The following FBXW11 variants were observed in gnomAD, a reference collection of about 807,000 sequenced individuals.
FBXW11 encodes F-box/WD repeat-containing protein 11.
In FBXW11, 19 loss-of-function variants were observed where a neutral mutation model predicts 77.6. That is an observed-to-expected ratio of 0.24 (90% CI 0.17 to 0.36). The LOEUF (loss-of-function observed/expected upper bound fraction) is 0.36. FBXW11 is among the 10% of genes least tolerant of loss of function. The probability of loss-of-function intolerance (pLI) is 1.00; values close to 1 mark genes in which losing one functional copy is unlikely to be tolerated. For synonymous variants in FBXW11, 235 were observed against 249.4 expected (o/e 0.94, Z 0.54); for missense variants, 334 against 704.2 (o/e 0.47, Z 5.95).
At chr5:171,951,406 C>T (rs1447812417) in intron 2 of FBXW11, among the ~76,000 whole-genome samples, 1 of 152,008 alleles carries the variant, frequency 6.6e-6, no homozygotes, top group Admixed American at 6.6e-5. Flanking sequence ...CGTGGTGGCA[C>T]ATGCCTGTGG....
chr5:171,973,274 C>A (rs1450924394), intron 1 of FBXW11, among the ~76,000 whole-genome samples: 1 of 152,008 alleles, frequency 6.6e-6, no homozygotes, highest in Admixed American at 6.6e-5. Flanking sequence ...TTATACAGAA[C>A]AAATAAGCAA....
intron 1 of FBXW11, among the ~76,000 whole-genome samples, chr5:171,990,877 T>A (rs2113553713): frequency 6.6e-6 from 1 of 152,104 alleles, no homozygotes; most frequent in South Asian, 2.1e-4. Context: ...TGGGCTGGAG[T>A]ACAATGACAC....
chr5:171,915,026 G>A (rs776506604), intron 2 of FBXW11, among the ~76,000 whole-genome samples: 1 of 152,204 alleles, frequency 6.6e-6, no homozygotes, highest in Non-Finnish European at 1.5e-5. Flanking sequence ...TGCACAAAGA[G>A]GTACTGTGTA....
chr5:171,895,004 C>A (rs1186562644), intron 6 of FBXW11, among the ~76,000 whole-genome samples: 1 of 152,204 alleles, frequency 6.6e-6, no homozygotes, highest in African/African-American at 2.4e-5. Flanking sequence ...TTGTCTCAGT[C>A]TAGGCTGATA....
rs1471860054 is a variant in FBXW11, at chr5:171,967,879, T to C, written c.46-10181A>G. ...GCATATATATATATATATATATATA[T>C]ATATACACACACACACACACACACA... On this transcript the variant is annotated intron_variant, in intron 1 of 13. Transcript: ENST00000517395. Among the ~76,000 whole-genome samples, 226 of 62,654 alleles carry C rather than the reference T, an allele frequency of 3.6e-3. 3 individuals carry two copies. The highest frequency in any genetic ancestry group is 0.019 in the South Asian group (33 of 1,782). 41.1% of individuals were successfully genotyped at this position (62,654 alleles called of 152,430 possible). A position where few individuals can be genotyped will look rare whatever the true frequency, so the allele number is the denominator to read the frequency against.
At chr5:171,964,963 A>G (rs2113371720) in intron 1 of FBXW11, among the ~76,000 whole-genome samples, 1 of 152,334 alleles carries the variant, frequency 6.6e-6, no homozygotes, top group Non-Finnish European at 1.5e-5. Flanking sequence ...TTGTCATAAT[A>G]TTATATCACA....
At chr5:171,970,943 A>G (rs1296941345) in intron 1 of FBXW11, among the ~76,000 whole-genome samples, 3 of 151,934 alleles carry the variant, frequency 2.0e-5, no homozygotes, top group African/African-American at 7.3e-5. Flanking sequence ...AGAGTAAGGG[A>G]CTCCTGCTGC....
chr5:171,996,605 G>A (rs1343947498), intron 1 of FBXW11, among the ~76,000 whole-genome samples: 1 of 152,174 alleles, frequency 6.6e-6, no homozygotes, highest in East Asian at 1.9e-4. Context: ...CAAGGCTGCA[G>A]TAAGCCATGT....
At chr5:171,953,981 T>A (rs1275096722) in intron 2 of FBXW11, among the ~76,000 whole-genome samples, 1 of 152,206 alleles carries the variant, frequency 6.6e-6, no homozygotes, top group African/African-American at 2.4e-5. Context: ...CAGCACTATA[T>A]GCACTAGAGC....
chr5:172,005,415 A>C (rs1029192367), intron 1 of FBXW11, among the ~76,000 whole-genome samples: 1 of 152,152 alleles, frequency 6.6e-6, no homozygotes, highest in Non-Finnish European at 1.5e-5. Flanking sequence ...CCTCATGTTC[A>C]CGTTGGCAGG....
At chr5:171,878,473 G>A (rs1219869877) in intron 7 of FBXW11, among the ~76,000 whole-genome samples, 1 of 152,026 alleles carries the variant, frequency 6.6e-6, no homozygotes, top group Non-Finnish European at 1.5e-5. Context: ...CAACATTTTG[G>A]GAGGCCGAGA....
chr5:171,946,763 T>C (rs1763030434), intron 2 of FBXW11, among the ~76,000 whole-genome samples: 1 of 151,752 alleles, frequency 6.6e-6, no homozygotes, highest in African/African-American at 2.4e-5. Context: ...TCCCCCCTTT[T>C]CTCCACAGAA....
At chr5:171,912,324 C>A (rs1354870963) in intron 3 of FBXW11, among the ~76,000 whole-genome samples, 1 of 152,124 alleles carries the variant, frequency 6.6e-6, no homozygotes, top group African/African-American at 2.4e-5. Context: ...ACACCAGGTA[C>A]CACCAGGGGG....
At chr5:171,942,057 T>C (rs1464342497) in intron 2 of FBXW11, among the ~76,000 whole-genome samples, 1 of 151,676 alleles carries the variant, frequency 6.6e-6, no homozygotes, top group Non-Finnish European at 1.5e-5. Flanking sequence ...CTCAAGCTTA[T>C]AGAAAAGTTA....
At position 171,869,816 on chromosome 5, in the gene FBXW11, G is replaced by A; in HGVS notation, c.1452-9C>T. On this transcript the variant is annotated splice_polypyrimidine_tract_variant and intron_variant, in intron 11 of 13. Coordinates refer to ENST00000517395, the MANE Select transcript of FBXW11 (RefSeq NM_001378974.1). The surrounding 1 kb of genome is among the most constrained non-coding windows in gnomAD (Gnocchi z 4.1). The stretch of plus-strand genomic sequence containing the variant: ...CCCAAACTTTAATTTTCCTAGAAAG[G>A]AAAATGAGATGTGATTAGTGGAAAA... 1 of 1,594,148 alleles carries A rather than the reference G, an allele frequency of 6.3e-7. No individual in the cohort carries two copies. Among genetic ancestry groups the A allele is most frequent in the Non-Finnish European group, 8.6e-7 (1 of 1,167,458 alleles).
At chr5:171,919,986 T>C (rs888356541) in intron 2 of FBXW11, among the ~76,000 whole-genome samples, 1 of 151,964 alleles carries the variant, frequency 6.6e-6, no homozygotes, top group African/African-American at 2.4e-5. Context: ...TGAAACCCCA[T>C]CTCTACTAAA....
chr5:171,891,390 T>G (rs1338162689), intron 7 of FBXW11, 77 bp downstream of exon 7: 1 of 1,363,340 alleles, frequency 7.3e-7, no homozygotes, highest in Non-Finnish European at 9.8e-7. Context: ...CTAGAGTAAA[T>G]GGAAAGATTG....
chr5:171,939,014 T>C (rs1762613640), intron 2 of FBXW11, among the ~76,000 whole-genome samples: 1 of 151,994 alleles, frequency 6.6e-6, no homozygotes, highest in Admixed American at 6.6e-5. Context: ...GGCAGGTGGA[T>C]CACGAGGTCA....
chr5:171,912,155 T>C (rs555770652), intron 3 of FBXW11, among the ~76,000 whole-genome samples: 2 of 151,810 alleles, frequency 1.3e-5, no homozygotes, highest in African/African-American at 4.8e-5. Flanking sequence ...TCCAAAGGAG[T>C]CTTCAGTTTT....
Sources: gnomAD v4.1 joint callset for allele counts (sites outside exome capture counted in the v4.1 genomes callset) on GRCh38, gnomAD v4.1.1 for gene constraint, Gnocchi (gnomAD v3.1) non-coding constraint, MANE v1.5 for transcripts, NCBI Gene and HGNC (gene_info 2026-07-23, HGNC 2026-07-21) for gene names.